The following RAB3C variants were observed in gnomAD, a reference collection of about 807,000 sequenced individuals.
The protein encoded by RAB3C is ras-related protein Rab-3C.
Under a neutral mutation model 26.4 loss-of-function variants are expected in RAB3C, and 17 were observed. That is an observed-to-expected ratio of 0.64 (90% CI 0.44 to 0.97). The LOEUF (loss-of-function observed/expected upper bound fraction) is 0.97, where lower values mean the gene tolerates loss of function less well. Among genes scored for constraint, RAB3C ranks in the 50% least tolerant of loss-of-function variants. The pLI is 0.00. For synonymous variants in RAB3C, 91 were observed against 95.9 expected, an observed-to-expected ratio of 0.95 and a Z score of 0.30; for missense variants, 242 against 281.9, an observed-to-expected ratio of 0.86 and a Z score of 1.01.
chr5:58,703,305 C>T (rs557127588), intron 2 of RAB3C, among the ~76,000 whole-genome samples: 8 of 152,192 alleles, frequency 5.3e-5, no homozygotes, highest in Admixed American at 5.2e-4. Flanking sequence ...GCTTCAGCCT[C>T]GCAAGTAGCT....
At chr5:58,631,040 G>A (rs1747176275) in intron 2 of RAB3C, among the ~76,000 whole-genome samples, 1 of 152,218 alleles carries the variant, frequency 6.6e-6, no homozygotes, top group Non-Finnish European at 1.5e-5. Flanking sequence ...CTAAACCAGA[G>A]AGAAGTTCTT....
intron 1 of RAB3C, among the ~76,000 whole-genome samples, chr5:58,609,096 G>A (rs190134434): frequency 3.1e-4 from 47 of 152,248 alleles, no homozygotes; most frequent in African/African-American, 7.2e-4. Context: ...TGTAAATGAC[G>A]TGTTAATGGG....
intron 1 of RAB3C, among the ~76,000 whole-genome samples, chr5:58,584,176 C>G (rs1745964540): frequency 6.6e-6 from 1 of 152,136 alleles, no homozygotes; most frequent in East Asian, 1.9e-4. Context: ...GCTGCCAAAC[C>G]CAAGAGTATA....
At chr5:58,585,594 G>A (rs1039456232) in intron 1 of RAB3C, among the ~76,000 whole-genome samples, 3 of 151,862 alleles carry the variant, frequency 2.0e-5, no homozygotes, top group African/African-American at 7.3e-5. Context: ...TAATGTATTT[G>A]CTTATTTCCC....
intron 1 of RAB3C, among the ~76,000 whole-genome samples, chr5:58,604,072 G>A (rs1746510835): frequency 6.6e-6 from 1 of 152,148 alleles, no homozygotes; most frequent in Non-Finnish European, 1.5e-5. Flanking sequence ...AGTGATTGTT[G>A]TCTGTCTTCT....
At position 58,775,509 on chromosome 5, in the gene RAB3C, A is replaced by G. The variant is rs149234890; in HGVS notation, c.371+49389A>G. Among the ~76,000 whole-genome samples, 402 of 152,124 alleles carry G rather than the reference A, an allele frequency of 2.6e-3. 2 individuals are homozygous for G. In the Middle Eastern group the frequency reaches 0.031, roughly 12 times the overall value. On this transcript the variant is annotated intron_variant, in intron 3 of 4. Coordinates refer to ENST00000282878, the MANE Select transcript of RAB3C (RefSeq NM_138453.4). ...GAAATCTGACAAAGGCTGACAGGTA[A>G]TGGGCGTGAGTGAAGGTGGATGGAA...
chr5:58,652,353 A>G (rs983618595), intron 2 of RAB3C, among the ~76,000 whole-genome samples: 7 of 151,896 alleles, frequency 4.6e-5, no homozygotes, highest in African/African-American at 1.2e-4. Context: ...AATGATCACC[A>G]TTAATATAGT....
rs139443551 is a variant in RAB3C, at chr5:58,717,179, T to C, written c.253-8823T>C. Among the ~76,000 whole-genome samples the C allele has an allele frequency of 4.5e-3, 686 of 152,230 alleles. 4 individuals carry two copies. The highest frequency in any genetic ancestry group is 6.6e-3 in the Non-Finnish European group (447 of 67,984). ...AATCTCAGTACTGTTGAGCCCAGTTTAAAAAGGCAAAATTGTCATATCCAG... is the reference window on the plus strand; with the variant it reads ...AATCTCAGTACTGTTGAGCCCAGTTCAAAAAGGCAAAATTGTCATATCCAG... On this transcript the variant is annotated intron_variant, in intron 2 of 4. Transcript: ENST00000282878.
At chr5:58,620,950 CTATAA>C (rs113836289) in intron 2 of RAB3C, among the ~76,000 whole-genome samples, 35,403 of 151,842 alleles carry the variant, frequency 0.23, 4,235 homozygotes, top group Admixed American at 0.31. Context: ...TTGCATTATG[CTATAA>C]TATAAGTGTG....
intron 2 of RAB3C, among the ~76,000 whole-genome samples, chr5:58,656,692 A>G (rs1020479013): frequency 6.6e-6 from 1 of 152,190 alleles, no homozygotes; most frequent in African/African-American, 2.4e-5. Flanking sequence ...GTAAGCATAT[A>G]CATTATAAGA....
chr5:58,853,021 C>T lies in RAB3C; in HGVS notation c.*1670C>T, dbSNP rs536617640. On this transcript the variant is annotated 3_prime_UTR_variant, in exon 5 of 5. Coordinates refer to ENST00000282878, the MANE Select transcript of RAB3C (RefSeq NM_138453.4). Reference sequence around the variant, plus strand: ...AAAAGTTGGAAATTAGGGGAGAGAGCATTTGGAATGCTTTAAGCATTTCCA... The same window carrying T: ...AAAAGTTGGAAATTAGGGGAGAGAGTATTTGGAATGCTTTAAGCATTTCCA... The T allele has an allele frequency of 1.3e-5, 2 of 152,266 alleles. No individual in the cohort carries two copies. Among genetic ancestry groups the T allele is most frequent in the South Asian group, 4.2e-4 (2 of 4,816 alleles). The allele number at this position is 152,266 out of a possible 1,614,324, so 9.4% of individuals were successfully genotyped here.
chr5:58,758,328 T>A (rs1246350851), intron 3 of RAB3C, among the ~76,000 whole-genome samples: 2 of 152,204 alleles, frequency 1.3e-5, no homozygotes, highest in Non-Finnish European at 1.5e-5. Context: ...AATGGTTTAT[T>A]TACTCATTTA....
At chr5:58,620,163 C>T (rs574330271) in intron 2 of RAB3C, among the ~76,000 whole-genome samples, 1 of 152,268 alleles carries the variant, frequency 6.6e-6, no homozygotes, top group South Asian at 2.1e-4. Flanking sequence ...CTGTGGATGC[C>T]CACACTCCCA....
chr5:58,736,023 AC>A (rs1313304611), intron 3 of RAB3C, among the ~76,000 whole-genome samples: 1 of 152,174 alleles, frequency 6.6e-6, no homozygotes, highest in East Asian at 1.9e-4. Context: ...CTGCATGTAC[AC>A]CTAGGCTCTT....
At chr5:58,618,522 C>T (rs543735646) in intron 2 of RAB3C, among the ~76,000 whole-genome samples, 23 of 152,270 alleles carry the variant, frequency 1.5e-4, no homozygotes, top group South Asian at 8.3e-4. Context: ...ATTTGGTTAG[C>T]TTTTTGCCTC....
intron 3 of RAB3C, among the ~76,000 whole-genome samples, chr5:58,801,864 T>C (rs1742815449): frequency 2.0e-5 from 3 of 152,272 alleles, no homozygotes; most frequent in Admixed American, 2.0e-4. Context: ...CTCCAAGCTT[T>C]CAGCTTTCTA....
intron 3 of RAB3C, among the ~76,000 whole-genome samples, chr5:58,801,156 T>G (rs1434541753): frequency 4.0e-5 from 6 of 151,100 alleles, no homozygotes; most frequent in Non-Finnish European, 7.4e-5. Flanking sequence ...CTTTCTTTCT[T>G]GGACTCTAGA....
intron 1 of RAB3C, among the ~76,000 whole-genome samples, chr5:58,612,175 A>G (rs1351821635): frequency 6.6e-6 from 1 of 152,042 alleles, no homozygotes; most frequent in Non-Finnish European, 1.5e-5. Flanking sequence ...TGATGCCTCC[A>G]GCTTTGTTCT....
chr5:58,793,318 G>A (rs188597592), intron 3 of RAB3C, among the ~76,000 whole-genome samples: 1 of 152,120 alleles, frequency 6.6e-6, no homozygotes, highest in African/African-American at 2.4e-5. Context: ...CAGCACTTTG[G>A]GGGGCCGAGG....
Sources: gnomAD v4.1 joint callset for allele counts (sites outside exome capture counted in the v4.1 genomes callset) on GRCh38, gnomAD v4.1.1 for gene constraint, MANE v1.5 for transcripts, NCBI Gene and HGNC (gene_info 2026-07-23, HGNC 2026-07-21) for gene names.